PLEKHA7: variants seen among roughly 807,000 people sequenced by gnomAD.
The protein encoded by PLEKHA7 is pleckstrin homology domain-containing family A member 7.
PLEKHA7 carries 104 observed loss-of-function variants against 170.0 expected under a neutral mutation model. The ratio of observed to expected loss-of-function variants is 0.61; its 90% CI spans 0.52 to 0.72. PLEKHA7 has a LOEUF of 0.72. PLEKHA7 is among the 30% of genes least tolerant of loss of function. The pLI, the probability that PLEKHA7 is intolerant of heterozygous loss-of-function variation, is 0.00. For missense variants in PLEKHA7, 1,615 were observed against 1,671.7 expected (o/e 0.97, Z 0.59); for synonymous variants, 648 against 660.8 (o/e 0.98, Z 0.30).
At chr11:16,868,306 G>C (rs745365504) in intron 4 of PLEKHA7, among the ~76,000 whole-genome samples, 3 of 152,128 alleles carry the variant, frequency 2.0e-5, no homozygotes, top group Non-Finnish European at 2.9e-5. Flanking sequence ...CAGAACTCAT[G>C]TCCCCTGGAA....
intron 9 of PLEKHA7, among the ~76,000 whole-genome samples, chr11:16,831,334 C>A (rs576306445): frequency 1.3e-5 from 2 of 152,220 alleles, no homozygotes; most frequent in Admixed American, 1.3e-4. Context: ...AACAACTTAA[C>A]ACATGACCTC....
intron 4 of PLEKHA7, 54 bp downstream of exon 4, chr11:16,871,045 G>A (rs978366366): frequency 2.9e-6 from 4 of 1,397,550 alleles, no homozygotes; most frequent in Admixed American, 3.4e-5. Flanking sequence ...TTCAGCAAAT[G>A]CCTTTAGTCT....
intron 3 of PLEKHA7, among the ~76,000 whole-genome samples, chr11:16,994,665 C>T (rs1347004572): frequency 6.6e-6 from 1 of 152,172 alleles, no homozygotes; most frequent in East Asian, 1.9e-4. Flanking sequence ...TGTCCTAGAA[C>T]ACGACAGGCT....
In PLEKHA7 at chr11:16,887,569, T is replaced by A. The variant is rs552913829; in HGVS notation, c.222-16387A>T. ...CCACCACGCCTGACTGGCTTTCGTA[T>A]TTTTTTGGTGGAGACGGGGTTTCGC... On this transcript the variant is annotated intron_variant, in intron 3 of 26. Coordinates refer to ENST00000531066, the MANE Select transcript of PLEKHA7 (RefSeq NM_001329630.2). Among the ~76,000 whole-genome samples, 942 of 152,332 alleles carry A rather than the reference T, an allele frequency of 6.2e-3. 6 individuals carry two copies. Among genetic ancestry groups the A allele is most frequent in the Non-Finnish European group, 1.0e-2 (677 of 68,014 alleles).
intron 3 of PLEKHA7, among the ~76,000 whole-genome samples, chr11:16,890,654 T>C (rs547850732): frequency 7.0e-4 from 106 of 152,308 alleles, no homozygotes; most frequent in Non-Finnish European, 1.3e-3. Flanking sequence ...TCATCTAGTC[T>C]CTTTGTTGCA....
intron 8 of PLEKHA7, among the ~76,000 whole-genome samples, chr11:16,849,944 T>C (rs1355868487): frequency 1.3e-5 from 2 of 152,190 alleles, no homozygotes; most frequent in Admixed American, 6.5e-5. Flanking sequence ...AGCTCAGTTC[T>C]GTGCCTCCTT....
At chr11:16,921,047 C>A (rs1859048245) in intron 3 of PLEKHA7, among the ~76,000 whole-genome samples, 1 of 152,234 alleles carries the variant, frequency 6.6e-6, no homozygotes. Flanking sequence ...TGAGCAATGC[C>A]TGTGTCTGAA....
At chr11:16,806,562 C>T (rs1049957948) in intron 13 of PLEKHA7, among the ~76,000 whole-genome samples, 26 of 152,220 alleles carry the variant, frequency 1.7e-4, no homozygotes, top group African/African-American at 6.3e-4. Flanking sequence ...TTGGACACAA[C>T]ACCTGCTTCT....
intron 3 of PLEKHA7, among the ~76,000 whole-genome samples, chr11:16,927,123 G>C (rs1415965076): frequency 6.6e-6 from 1 of 152,190 alleles, no homozygotes; most frequent in Non-Finnish European, 1.5e-5. Context: ...AGGAATTTGA[G>C]ACTGCGGTGA....
intron 3 of PLEKHA7, among the ~76,000 whole-genome samples, chr11:16,987,389 A>G (rs998872055): frequency 2.0e-5 from 3 of 152,026 alleles, no homozygotes; most frequent in African/African-American, 4.8e-5. Flanking sequence ...GGTAAATACA[A>G]CTTTTGCTCC....
Position 16,777,533 on chromosome 11 carries a change from G to C in PLEKHA7, c.*1465C>G, listed in dbSNP as rs1377703159. 3.3e-5 allele frequency: 5 copies of C among 152,134 alleles called. No homozygotes were observed. Among genetic ancestry groups the C allele is most frequent in the African/African-American group, 1.2e-4 (5 of 41,428 alleles). The allele number at this position is 152,134 out of a possible 1,614,324, so 9.4% of individuals were successfully genotyped here. The stretch of plus-strand genomic sequence containing the variant: ...AATTCTATTTTTTTTTCTGAGCATA[G>C]TCAAAGAGAAATTTTCATTTAAAGT... On this transcript the variant is annotated 3_prime_UTR_variant, in exon 27 of 27. Transcript: ENST00000531066.
chr11:16,940,109 C>T (rs1246476831), intron 3 of PLEKHA7, among the ~76,000 whole-genome samples: 1 of 152,136 alleles, frequency 6.6e-6, no homozygotes, highest in Non-Finnish European at 1.5e-5. Flanking sequence ...TTTAACATTC[C>T]TATCTCCCCT....
rs148322321 is a variant in PLEKHA7, at chr11:16,948,603, G to A, written c.221+65386C>T. On this transcript the variant is annotated intron_variant, in intron 3 of 26. Coordinates refer to ENST00000531066, the MANE Select transcript of PLEKHA7 (RefSeq NM_001329630.2). Reference sequence around the variant, plus strand: ...CACATACATGCACACATATATACTCGCACCCCACATGCACACACATGTGCA... The same window carrying A: ...CACATACATGCACACATATATACTCACACCCCACATGCACACACATGTGCA... Among the ~76,000 whole-genome samples, 55 of 151,010 alleles carry A rather than the reference G, an allele frequency of 3.6e-4. No homozygotes were observed. The South Asian group carries it at 4.2e-3, about 12-fold the overall frequency.
intron 4 of PLEKHA7, 45 bp from the exon 5 acceptor site, chr11:16,855,959 G>C (rs767817722): frequency 6.8e-7 from 1 of 1,474,096 alleles, no homozygotes; most frequent in Non-Finnish European, 9.5e-7. Context: ...CCGAGCTATA[G>C]AGTAGGAAGT....
At chr11:16,819,744 A>G (rs1850066978) in intron 10 of PLEKHA7, among the ~76,000 whole-genome samples, 1 of 152,234 alleles carries the variant, frequency 6.6e-6, no homozygotes, top group Admixed American at 6.5e-5. Flanking sequence ...GGATCTAAAA[A>G]GGTCAAACTC....
At chr11:16,872,362 T>C (rs1040996442) in intron 3 of PLEKHA7, among the ~76,000 whole-genome samples, 5 of 152,162 alleles carry the variant, frequency 3.3e-5, no homozygotes, top group Non-Finnish European at 7.3e-5. Context: ...AGTTTTAAAT[T>C]TTCTTCTACT....
chr11:16,922,429 G>C (rs1453499055), intron 3 of PLEKHA7, among the ~76,000 whole-genome samples: 2 of 152,280 alleles, frequency 1.3e-5, no homozygotes, highest in Non-Finnish European at 2.9e-5. Context: ...GTAAGTAGCA[G>C]AGACTGAATT....
At chr11:17,008,165 C>G (rs1011669215) in intron 3 of PLEKHA7, among the ~76,000 whole-genome samples, 5 of 152,072 alleles carry the variant, frequency 3.3e-5, no homozygotes, top group African/African-American at 1.2e-4. Context: ...GAAGAAAGTA[C>G]CTACACAGGG....
intron 3 of PLEKHA7, among the ~76,000 whole-genome samples, chr11:16,904,427 T>C (rs1023879613): frequency 1.2e-4 from 19 of 152,196 alleles, no homozygotes; most frequent in African/African-American, 3.9e-4. Flanking sequence ...TGATGAAACA[T>C]TGTACAGCCA....
Sources: gnomAD v4.1 joint callset for allele counts (sites outside exome capture counted in the v4.1 genomes callset) on GRCh38, gnomAD v4.1.1 for gene constraint, MANE v1.5 for transcripts, NCBI Gene and HGNC (gene_info 2026-07-23, HGNC 2026-07-21) for gene names.